RBM20: variants seen among roughly 807,000 people sequenced by gnomAD.
RBM20 encodes RNA-binding protein 20.
In RBM20, 51 loss-of-function variants were observed where a neutral mutation model predicts 110.1. The observed-to-expected ratio is 0.46, with a 90% CI of 0.37 to 0.59. The LOEUF (loss-of-function observed/expected upper bound fraction) is 0.59, where lower values mean the gene tolerates loss of function less well. Ranked by LOEUF, RBM20 falls within the 20% of genes least tolerant of loss-of-function variation. The pLI, the probability that RBM20 is intolerant of heterozygous loss-of-function variation, is 0.00. For missense variants in RBM20, 1,512 were observed against 1,574.9 expected, an observed-to-expected ratio of 0.96 and a Z score of 0.68; for synonymous variants, 589 against 618.2, an observed-to-expected ratio of 0.95 and a Z score of 0.70.
At chr10:110,747,852 C>A (rs4918583) in intron 1 of RBM20, among the ~76,000 whole-genome samples, 39,332 of 54,572 alleles carry the variant, frequency 0.72, 14,869 homozygotes, top group African/African-American at 0.86. Flanking sequence ...TTTCTTTCTG[C>A]AAGAGAAAGC....
rs1332773237 is a variant in RBM20 at position 110,644,399 on chromosome 10, G to C, written c.-56G>C. ...CCCGGCCAGTGAGCGCCCGTGGCCC[G>C]GGACCGCCCCTCCCTTGAGCTCTCT... On this transcript the variant is annotated 5_prime_UTR_variant, in exon 1 of 14. Coordinates refer to ENST00000369519, the MANE Select transcript of RBM20 (RefSeq NM_001134363.3). This position sits in a 1 kb window ranked among gnomAD's most constrained non-coding sequence, Gnocchi z 4.3. The C allele has an allele frequency of 1.5e-6, 2 of 1,353,012 alleles. No homozygotes were observed. Among genetic ancestry groups the C allele is most frequent in the Admixed American group, 3.5e-5 (1 of 28,636 alleles). The allele number at this position is 1,353,012 out of a possible 1,614,324, so 83.8% of individuals were successfully genotyped here. A position where few individuals can be genotyped will look rare whatever the true frequency, so the allele number is the denominator to read the frequency against.
At chr10:110,820,914 T>G (rs1844900558) in intron 10 of RBM20, among the ~76,000 whole-genome samples, 1 of 152,188 alleles carries the variant, frequency 6.6e-6, no homozygotes, top group Admixed American at 6.5e-5. Flanking sequence ...TTTGCTGCAG[T>G]TACATTTAGT....
intron 9 of RBM20, among the ~76,000 whole-genome samples, chr10:110,815,620 C>A (rs1294612708): frequency 6.6e-6 from 1 of 152,202 alleles, no homozygotes; most frequent in South Asian, 2.1e-4. Context: ...CCTCTCTCCC[C>A]CAAGGCTGAG....
At chr10:110,689,462 C>A (rs1313651707) in intron 1 of RBM20, among the ~76,000 whole-genome samples, 5 of 152,212 alleles carry the variant, frequency 3.3e-5, no homozygotes. Context: ...CATGGGCCAG[C>A]CTTCCCTTTC....
rs1845155569 is a variant in RBM20, at chr10:110,838,041, A to G, written c.*2063A>G. 1 of 152,228 alleles carries G rather than the reference A, an allele frequency of 6.6e-6. No homozygotes were observed. Among genetic ancestry groups the G allele is most frequent in the Non-Finnish European group, 1.5e-5 (1 of 68,046 alleles). 9.4% of individuals were successfully genotyped at this position (152,228 alleles called of 1,614,324 possible). ...AGAAAGAATAGCCAAATCCCCAAAC[A>G]GGCCAGTTTTAACCAGCATGATGAA... On this transcript the variant is annotated 3_prime_UTR_variant, in exon 14 of 14. Transcript: ENST00000369519.
chr10:110,820,212 A>G, intron 10 of RBM20, 36 bp downstream of exon 10: 1 of 1,426,808 alleles, frequency 7.0e-7, no homozygotes, highest in South Asian at 1.2e-5. Context: ...TTCTGCCATG[A>G]GGGACTGAGT....
At position 110,784,868 on chromosome 10, in the gene RBM20, T is replaced by A. The variant is rs1371953237; in HGVS notation, c.1506T>A (p.Pro502=). 9 of 1,547,640 alleles carry A rather than the reference T, an allele frequency of 5.8e-6. No homozygotes were observed. Among genetic ancestry groups the A allele is most frequent in the African/African-American group, 1.4e-5 (1 of 73,098 alleles). The change falls in exon 5 of 14, where the codon CCT becomes CCA. Residue 502 remains proline (P), a synonymous_variant. Coordinates refer to ENST00000369519, the MANE Select transcript of RBM20 (RefSeq NM_001134363.3). The part of the protein sequence containing the change: ...RSFTQSSPTF[P]LASVGTTFAQ... ...TCACTCAGTCAAGCCCCACATTTCC[T>A]TTGGCTTCTGTGGGGACAACTGTGA...
At chr10:110,753,762 G>A (rs1006213089) in intron 1 of RBM20, among the ~76,000 whole-genome samples, 5 of 152,188 alleles carry the variant, frequency 3.3e-5, no homozygotes, top group East Asian at 1.9e-4. Flanking sequence ...GCAGAGCTGC[G>A]CTCCATCTGC....
At chr10:110,699,241 TA>T (rs141746821) in intron 1 of RBM20, among the ~76,000 whole-genome samples, 23,992 of 139,200 alleles carry the variant, frequency 0.17, 2,309 homozygotes, top group East Asian at 0.31. Flanking sequence ...AGGGCATCTT[TA>T]AAAAAAAAAA....
At chr10:110,827,554 C>G (rs1486915928) in intron 12 of RBM20, among the ~76,000 whole-genome samples, 1 of 152,232 alleles carries the variant, frequency 6.6e-6, no homozygotes, top group South Asian at 2.1e-4. Context: ...AGTTTAAATC[C>G]CCTGTCTACT....
Position 110,839,453 on chromosome 10 carries a change from G to T in RBM20, c.*3475G>T, listed in dbSNP as rs1371513510. The T allele has an allele frequency of 1.3e-5, 2 of 152,100 alleles. No homozygotes were observed. Among genetic ancestry groups the T allele is most frequent in the Non-Finnish European group, 2.9e-5 (2 of 68,028 alleles). 9.4% of individuals were successfully genotyped at this position (152,100 alleles called of 1,614,324 possible). On this transcript the variant is annotated 3_prime_UTR_variant, in exon 14 of 14. Transcript: ENST00000369519. Reference sequence around the variant, plus strand: ...GAGAAAAGAAAAGATTTTTAATAAAGAGAATTTGAAAGCTGTGAGTGAGTG... The same window carrying T: ...GAGAAAAGAAAAGATTTTTAATAAATAGAATTTGAAAGCTGTGAGTGAGTG...
chr10:110,783,732 A>G (rs142161879), intron 3 of RBM20, among the ~76,000 whole-genome samples: 1,960 of 152,326 alleles, frequency 0.013, 39 homozygotes, highest in African/African-American at 0.045. Flanking sequence ...ATTGTAGTCA[A>G]GTTCACATAG....
chr10:110,697,857 T>C, intron 1 of RBM20, among the ~76,000 whole-genome samples: 1 of 151,164 alleles, frequency 6.6e-6, no homozygotes, highest in East Asian at 1.9e-4. Context: ...CCATCAATTC[T>C]CAATTATTTA....
chr10:110,767,617 C>T (rs893028673), intron 1 of RBM20, among the ~76,000 whole-genome samples: 4 of 151,510 alleles, frequency 2.6e-5, no homozygotes, highest in African/African-American at 4.9e-5. Context: ...TCAGACGGGG[C>T]GGACGGGCAG....
chr10:110,661,985 T>C (rs1355416628), intron 1 of RBM20, among the ~76,000 whole-genome samples: 1 of 149,478 alleles, frequency 6.7e-6, no homozygotes, highest in African/African-American at 2.5e-5. Flanking sequence ...CACTCCAGCC[T>C]GGGTGACAGA....
At chr10:110,821,126 G>A (rs985261447) in intron 10 of RBM20, 149 bp from the exon 11 acceptor site, 35 of 659,094 alleles carry the variant, frequency 5.3e-5, no homozygotes, top group African/African-American at 4.7e-4. Flanking sequence ...TGGTGCCGTG[G>A]GACTTGAGTG....
intron 11 of RBM20, among the ~76,000 whole-genome samples, chr10:110,823,171 G>A (rs1844936019): frequency 6.6e-6 from 1 of 152,148 alleles, no homozygotes; most frequent in Non-Finnish European, 1.5e-5. Flanking sequence ...ATACTGAGAT[G>A]GGAGGCATGG....
Position 110,830,951 on chromosome 10 carries a change from G to A in RBM20, c.3452-110G>A, listed in dbSNP as rs544982047. 1,231 of 1,118,366 alleles carry A rather than the reference G, an allele frequency of 1.1e-3. 3 individuals carry two copies. The highest frequency in any genetic ancestry group is 1.4e-3 in the Non-Finnish European group (1,143 of 792,256). 69.3% of individuals were successfully genotyped at this position (1,118,366 alleles called of 1,614,324 possible). A position where few individuals can be genotyped will look rare whatever the true frequency, so the allele number is the denominator to read the frequency against. ...AGTAACCAGCCAAGGTCAACAGCAA[G>A]TGAGGGGTGGAGCTCGTGGCTCCCA... On this transcript the variant is annotated intron_variant, in intron 12 of 13. Coordinates refer to ENST00000369519, the MANE Select transcript of RBM20 (RefSeq NM_001134363.3).
At chr10:110,782,597 A>T (rs1261997483) in intron 2 of RBM20, among the ~76,000 whole-genome samples, 1 of 152,204 alleles carries the variant, frequency 6.6e-6, no homozygotes, top group Non-Finnish European at 1.5e-5. Flanking sequence ...TTCATTTTAC[A>T]GATGAGAAAA....
Sources: allele counts gnomAD v4.1 joint callset (sites outside exome capture counted in the v4.1 genomes callset), GRCh38; gene constraint gnomAD v4.1.1; non-coding constraint Gnocchi (gnomAD v3.1); transcripts MANE v1.5; gene names NCBI Gene and HGNC (gene_info 2026-07-23, HGNC 2026-07-21).